WWP2: variants seen among roughly 807,000 people sequenced by gnomAD.
WWP2 encodes WW domain containing E3 ubiquitin protein ligase 2.
Under a neutral mutation model 121.0 loss-of-function variants are expected in WWP2, and 57 were observed. The ratio of observed to expected loss-of-function variants is 0.47; its 90% confidence interval spans 0.38 to 0.59. The LOEUF (loss-of-function observed/expected upper bound fraction) is 0.59, where lower values mean the gene tolerates loss of function less well. WWP2 is among the 20% of genes least tolerant of loss of function. The pLI is 0.00. For missense variants in WWP2, 962 were observed against 1,158.9 expected (o/e 0.83, Z 2.47); for synonymous variants, 449 against 441.3 (o/e 1.02, Z -0.22).
chr16:69,879,613 A>G (rs2057789816), intron 7 of WWP2, among the ~76,000 whole-genome samples: 1 of 152,150 alleles, frequency 6.6e-6, no homozygotes, highest in South Asian at 2.1e-4. Flanking sequence ...TTGTTTCTCC[A>G]TTCATCTGTA....
chr16:69,798,820 T>G lies in WWP2; in HGVS notation c.209T>G (p.Ile70Ser), dbSNP rs780694295. Residue 70 changes from isoleucine to serine, a missense_variant, in exon 3 of 24, where the codon ATC becomes AGC. Around this residue, in one of 3 missense-constraint regions of WWP2, gnomAD observed 145 missense variants for 189.8 expected, o/e 0.76. Transcript: ENST00000359154. Reference sequence around the variant, plus strand: ...AGCTCTGAGCTTCTCTGGAATGAGATCATCATTTTGTAAGAGAAAGCCCCT... The same window carrying G: ...AGCTCTGAGCTTCTCTGGAATGAGAGCATCATTTTGTAAGAGAAAGCCCCT... ...IGSSELLWNE[I>S]IILNVTAQSH... 11 of 1,613,724 alleles carry G rather than the reference T, an allele frequency of 6.8e-6. No homozygotes were observed.
intron 9 of WWP2, among the ~76,000 whole-genome samples, chr16:69,913,341 G>GT (rs1324521563): frequency 2.0e-5 from 3 of 151,422 alleles, no homozygotes; most frequent in Non-Finnish European, 4.4e-5. Context: ...CCAAAAAAAA[G>GT]TTTTTTTTAA....
At chr16:69,927,266 G>A (rs1378849686) in intron 11 of WWP2, among the ~76,000 whole-genome samples, 2 of 152,052 alleles carry the variant, frequency 1.3e-5, no homozygotes, top group African/African-American at 4.8e-5. Flanking sequence ...AGAATGAACA[G>A]GAAGAACAGC....
intron 1 of WWP2, among the ~76,000 whole-genome samples, chr16:69,762,699 G>A (rs2038641166): frequency 6.6e-6 from 1 of 152,186 alleles, no homozygotes; most frequent in South Asian, 2.1e-4. Context: ...CCCAGGCATG[G>A]AGAGGAGCGA....
At chr16:69,874,289 A>T (rs1240342688) in intron 7 of WWP2, among the ~76,000 whole-genome samples, 1 of 152,140 alleles carries the variant, frequency 6.6e-6, no homozygotes, top group Non-Finnish European at 1.5e-5. Context: ...TCCCCTCTTC[A>T]GCAGCGCAGG....
Position 69,937,059 on chromosome 16 carries a change from G to A in WWP2, c.2118-59G>A, listed in dbSNP as rs971794669. ...GCGGTAACGGCCACGCGGCCTGGCC[G>A]GGAGCCACCCCTGAGCAGTGGGTCT... On this transcript the variant is annotated intron_variant, in intron 19 of 23. Coordinates refer to ENST00000359154, the MANE Select transcript of WWP2 (RefSeq NM_001270454.2). The surrounding 1 kb of genome is among the most constrained non-coding windows in gnomAD (Gnocchi z 6.6). 3.1e-5 allele frequency: 49 copies of A among 1,586,614 alleles called. No individual in the cohort carries two copies. The highest frequency in any genetic ancestry group is 1.1e-4 in the East Asian group (5 of 44,136).
rs1183502306 is a variant in WWP2, at chr16:69,888,300, C to CT, written c.914+52dup. 3 of 1,568,458 alleles carry CT rather than the reference C, an allele frequency of 1.9e-6. No homozygotes were observed. The East Asian group carries it at 6.8e-5, about 36-fold the overall frequency. The stretch of plus-strand genomic sequence containing the variant: ...GATCTCTCCTCCTCAAAGACTGAGG[C>CT]TCCTTTACGGGGGTGGAAACAACGT... On this transcript the variant is annotated intron_variant, in intron 8 of 23. Coordinates refer to ENST00000359154, the MANE Select transcript of WWP2 (RefSeq NM_001270454.2).
At chr16:69,864,708 C>G (rs1397213039) in intron 6 of WWP2, among the ~76,000 whole-genome samples, 1 of 148,672 alleles carries the variant, frequency 6.7e-6, no homozygotes, top group African/African-American at 2.5e-5. Context: ...AGCCACTATG[C>G]CTGACGAATT....
intron 4 of WWP2, among the ~76,000 whole-genome samples, chr16:69,834,068 G>A (rs2056834960): frequency 6.6e-6 from 1 of 152,190 alleles, no homozygotes; most frequent in African/African-American, 2.4e-5. Flanking sequence ...CCCTTCTCCT[G>A]TAGCCAGACT....
chr16:69,791,224 T>TTTTC (rs201228009), intron 2 of WWP2, among the ~76,000 whole-genome samples: 6,612 of 151,254 alleles, frequency 0.044, 514 homozygotes, highest in African/African-American at 0.15. Flanking sequence ...TCTTTTCTTT[T>TTTTC]TTTCTTTCTT....
At chr16:69,856,171 TAAAAG>T (rs908965355) in intron 6 of WWP2, among the ~76,000 whole-genome samples, 2 of 152,168 alleles carry the variant, frequency 1.3e-5, no homozygotes, top group African/African-American at 4.8e-5. Context: ...GAATGACTCT[TAAAAG>T]TATTAGGCTA....
intron 1 of WWP2, among the ~76,000 whole-genome samples, chr16:69,771,227 T>C (rs548357746): frequency 6.6e-6 from 1 of 152,274 alleles, no homozygotes; most frequent in East Asian, 1.9e-4. Context: ...AGTTGTTTTC[T>C]CCTGTCAAAA....
chr16:69,780,345 A>G (rs1038395297), intron 1 of WWP2, among the ~76,000 whole-genome samples: 16 of 151,228 alleles, frequency 1.1e-4, no homozygotes, highest in Non-Finnish European at 4.4e-5. Flanking sequence ...ATAGCATTCC[A>G]TTTTAGAAAT....
At chr16:69,939,641 C>T (rs1419419960) in intron 23 of WWP2, among the ~76,000 whole-genome samples, 200 bp from the exon 24 acceptor site, 2 of 152,122 alleles carry the variant, frequency 1.3e-5, no homozygotes, top group Non-Finnish European at 2.9e-5. Context: ...AAGTGTCCCC[C>T]GCAACCAATT....
chr16:69,818,670 T>C (rs139473184), intron 4 of WWP2, among the ~76,000 whole-genome samples: 82 of 152,262 alleles, frequency 5.4e-4, no homozygotes, highest in African/African-American at 1.9e-3. Context: ...TCCTTCCTGC[T>C]TGACATATGT....
rs975899726 is a variant in WWP2 at position 69,939,431 on chromosome 16, A to G, written c.2513+18A>G. ...CACACCTGGTGAGCCTGCTGGTTTT[A>G]GTGGGAGGTCGGGGGGCCTCAGACC... On this transcript the variant is annotated intron_variant, in intron 23 of 23. Coordinates refer to ENST00000359154, the MANE Select transcript of WWP2 (RefSeq NM_001270454.2). The G allele has an allele frequency of 5.0e-6, 8 of 1,613,892 alleles. No homozygotes were observed. The highest frequency in any genetic ancestry group is 6.8e-6 in the Non-Finnish European group (8 of 1,179,960).
chr16:69,938,616 A>C (rs1468721924), intron 21 of WWP2, among the ~76,000 whole-genome samples: 3 of 152,192 alleles, frequency 2.0e-5, no homozygotes, highest in African/African-American at 7.2e-5. Context: ...ACTGCACTCC[A>C]GCCTGGGCGA....
intron 8 of WWP2, among the ~76,000 whole-genome samples, chr16:69,899,299 C>T (rs1188379440): frequency 6.6e-6 from 1 of 152,064 alleles, no homozygotes; most frequent in Non-Finnish European, 1.5e-5. Context: ...TGCTTGAGCC[C>T]AGGAGTTCAA....
intron 10 of WWP2, among the ~76,000 whole-genome samples, chr16:69,921,957 C>T (rs1307359875): frequency 6.6e-6 from 1 of 151,800 alleles, no homozygotes; most frequent in Non-Finnish European, 1.5e-5. Flanking sequence ...ACCTTTAGTC[C>T]CAGCTACTTG....
Sources: gnomAD v4.1 joint callset for allele counts (sites outside exome capture counted in the v4.1 genomes callset) on GRCh38, gnomAD v4.1.1 for gene constraint, gnomAD v4.1.1 regional missense constraint, Gnocchi (gnomAD v3.1) non-coding constraint, MANE v1.5 for transcripts, NCBI Gene and HGNC (gene_info 2026-07-23, HGNC 2026-07-21) for gene names.